Variants in TSEN34 observed in about 807,000 individuals in gnomAD.
TSEN34 encodes the protein tRNA-splicing endonuclease subunit Sen34.
A neutral mutation model predicts 30.2 loss-of-function variants in TSEN34; 25 were observed. That is an observed-to-expected ratio of 0.83 (90% CI 0.60 to 1.16). TSEN34 has a LOEUF of 1.16. Ranked by LOEUF, TSEN34 falls within the 50% of genes most tolerant of loss-of-function variation. The pLI is 0.00. For missense variants in TSEN34, 475 were observed against 411.9 expected, an observed-to-expected ratio of 1.15 and a Z score of -1.33; for synonymous variants, 209 against 177.4, an observed-to-expected ratio of 1.18 and a Z score of -1.41.
At position 54,191,370 on chromosome 19, in the gene TSEN34, G is replaced by A. The variant is rs2076684506; in HGVS notation, c.6G>A (p.Leu2=). Residue 2 remains leucine (L), a synonymous_variant, in exon 1 of 4, where the codon CTG becomes CTA. Transcript: ENST00000396388. M[L]VVEVANGRSL... is the part of the protein sequence containing the mutation. ...CTCCCGGCTCCCGCAGGAGGATGCT[G>A]GTGGTGGAGGTGGCGAACGGCCGCT... 1.9e-6 allele frequency: 3 copies of A among 1,549,868 alleles called. No individual in the cohort carries two copies. Among genetic ancestry groups the A allele is most frequent in the African/African-American group, 1.4e-5 (1 of 72,996 alleles).
intron 2 of TSEN34, 56 bp from the exon 3 acceptor site, chr19:54,192,060 G>A (rs1285697407): frequency 5.0e-6 from 8 of 1,614,028 alleles, no homozygotes; most frequent in Admixed American, 3.3e-5. Context: ...TCTCCCTGAG[G>A]GTGAGAAGAC....
upstream of TSEN34, chr19:54,190,626 T>G (rs907411077): frequency 1.2e-5 from 15 of 1,237,444 alleles, no homozygotes; most frequent in Non-Finnish European, 1.4e-5. Context: ...CCGAACCTAT[T>G]GCGTCCGGGA....
upstream of TSEN34, chr19:54,191,283 C>T: frequency 1.9e-6 from 3 of 1,539,358 alleles, no homozygotes; most frequent in Middle Eastern, 2.3e-4. Flanking sequence ...CGCCGAGACC[C>T]CGGAGGCTTT....
rs749475473 is a variant in TSEN34, at chr19:54,191,617, C to G, written c.243+10C>G. On this transcript the variant is annotated intron_variant, in intron 1 of 3. Coordinates refer to ENST00000396388, the MANE Select transcript of TSEN34 (RefSeq NM_001077446.4). Reference sequence around the variant, plus strand: ...TCGGCACCACAGCCTGGTAAGGGGGCGGGGCTCGAACTCGGGTTCGGTGGG... The same window carrying G: ...TCGGCACCACAGCCTGGTAAGGGGGGGGGGCTCGAACTCGGGTTCGGTGGG... 6.2e-6 allele frequency: 10 copies of G among 1,604,464 alleles called. No homozygotes were observed. The South Asian group carries it at 1.1e-4, about 18-fold the overall frequency.
At chr19:54,191,163 C>G (rs1228628670), upstream of TSEN34, 40 of 1,363,230 alleles carry the variant, frequency 2.9e-5, no homozygotes, top group Non-Finnish European at 3.8e-5. Flanking sequence ...TCTCCGGCGG[C>G]CGCGAGGCCT....
In TSEN34 at chr19:54,193,455, A is replaced by G. The variant is rs2076783944; in HGVS notation, c.*93A>G. ...CTCTGGGAGTCTAGAACATCCTCCT[A>G]CCTTTCTCCGCGGTTAGTTTTTGAT... On this transcript the variant is annotated 3_prime_UTR_variant, in exon 4 of 4. Coordinates refer to ENST00000396388, the MANE Select transcript of TSEN34 (RefSeq NM_001077446.4). The G allele has an allele frequency of 2.5e-6, 4 of 1,581,586 alleles. No homozygotes were observed. Among genetic ancestry groups the G allele is most frequent in the African/African-American group, 1.4e-5 (1 of 73,804 alleles).
chr19:54,190,267 A>G, upstream of TSEN34: 1 of 1,168,282 alleles, frequency 8.6e-7, no homozygotes, highest in South Asian at 1.3e-5. Flanking sequence ...ATGGGGCGGG[A>G]TGACGAAGTT....
At position 54,191,456 on chromosome 19, in the gene TSEN34, G is replaced by T. The variant is rs995267203; in HGVS notation, c.92G>T (p.Arg31Leu). Reference sequence around the variant, plus strand: ...CGGGAGCGCCTGGGTGTGGGGGGCCGCACGGTAGGCGCCCTGCCCCGCGGG... The same window carrying T: ...CGGGAGCGCCTGGGTGTGGGGGGCCTCACGGTAGGCGCCCTGCCCCGCGGG... ...ALRERLGVGG[R>L]TVGALPRGPR... Residue 31 changes from arginine (R) to leucine (L), a missense_variant, in exon 1 of 4, where the codon CGC becomes CTC. Physicochemically the swap from Arg to Leu is moderately radical, Grantham distance 102. Coordinates refer to ENST00000396388, the MANE Select transcript of TSEN34 (RefSeq NM_001077446.4). 1.3e-5 allele frequency: 20 copies of T among 1,547,410 alleles called. No individual in the cohort carries two copies. The highest frequency in any genetic ancestry group is 1.7e-5 in the Non-Finnish European group (20 of 1,147,272).
At chr19:54,190,274 A>G (rs1600694296), upstream of TSEN34, 9 of 1,239,534 alleles carry the variant, frequency 7.3e-6, no homozygotes, top group South Asian at 6.5e-5. Flanking sequence ...GGGATGACGA[A>G]GTTGACGAGG....
chr19:54,191,392 C>A lies in TSEN34; in HGVS notation c.28C>A (p.Arg10Ser). The change falls in exon 1 of 4, where the codon CGC becomes AGC. Residue 10 changes from arginine (R) to serine (S), a missense_variant. Physicochemically the swap from Arg to Ser is moderately radical, Grantham distance 110. Coordinates refer to ENST00000396388, the MANE Select transcript of TSEN34 (RefSeq NM_001077446.4). MLVVEVANG[R>S]SLVWGAEAVQ... is the part of the protein sequence containing the mutation. ...GCTGGTGGTGGAGGTGGCGAACGGC[C>A]GCTCCCTGGTGTGGGGAGCCGAGGC... 2 of 1,549,576 alleles carry A rather than the reference C, an allele frequency of 1.3e-6. No homozygotes were observed. The highest frequency in any genetic ancestry group is 1.7e-6 in the Non-Finnish European group (2 of 1,146,982).
At chr19:54,193,004 T>TGAAAA (rs2076762953) in intron 3 of TSEN34, among the ~76,000 whole-genome samples, 171 bp from the exon 4 acceptor site, 1 of 39,706 alleles carries the variant, frequency 2.5e-5, no homozygotes, top group Non-Finnish European at 4.4e-5. Flanking sequence ...AGACTTTGTC[T>TGAAAA]CAAAAAAAAA....
At chr19:54,190,511 G>C, upstream of TSEN34, 2 of 1,355,100 alleles carry the variant, frequency 1.5e-6, no homozygotes, top group Non-Finnish European at 1.9e-6. Flanking sequence ...TTTCGGCTGT[G>C]GGGTTCGGTC....
Position 54,192,109 on chromosome 19 carries a change from C to G in TSEN34, c.488-7C>G. 6.2e-7 allele frequency: 1 copy of G among 1,614,202 alleles called. No individual in the cohort carries two copies. Among genetic ancestry groups the G allele is most frequent in the Non-Finnish European group, 8.5e-7 (1 of 1,180,032 alleles). Reference sequence around the variant, plus strand: ...TTTACCAAACTCTTCTCTGTACTCCCCACCAGGCCCCTCGTCTTCCCAAGC... The same window carrying G: ...TTTACCAAACTCTTCTCTGTACTCCGCACCAGGCCCCTCGTCTTCCCAAGC... On this transcript the variant is annotated splice_region_variant and splice_polypyrimidine_tract_variant and intron_variant, in intron 2 of 3. Coordinates refer to ENST00000396388, the MANE Select transcript of TSEN34 (RefSeq NM_001077446.4).
At chr19:54,192,501 T>G in intron 3 of TSEN34, 128 bp downstream of exon 3, 1 of 1,278,206 alleles carries the variant, frequency 7.8e-7, no homozygotes, top group Non-Finnish European at 1.1e-6. Flanking sequence ...CTGGTCCCTA[T>G]TCCTGGGCTC....
rs530821643 is a variant in TSEN34, at chr19:54,191,580, G to T, written c.216G>T (p.Pro72=). Residue 72 remains proline (P), a synonymous_variant, in exon 1 of 4, where the codon CCG becomes CCT. Coordinates refer to ENST00000396388, the MANE Select transcript of TSEN34 (RefSeq NM_001077446.4). ...GCGCCGTGACTCTGGTCAGCGCCCC[G>T]CGTCCAGACTCTCGGCACCACAGCC... ...EIGAVTLVSA[P]RPDSRHHSLA... 37 of 1,602,726 alleles carry T rather than the reference G, an allele frequency of 2.3e-5. No individual in the cohort carries two copies. The East Asian group carries it at 7.8e-4, about 34-fold the overall frequency.
At chr19:54,190,785 C>T (rs894798882), upstream of TSEN34, 10 of 1,116,430 alleles carry the variant, frequency 9.0e-6, no homozygotes, top group South Asian at 3.7e-5. Flanking sequence ...GGGTTTTGTA[C>T]TGTGGGAGTC....
At chr19:54,190,144 G>A (rs2076608604), upstream of TSEN34, 3 of 562,800 alleles carry the variant, frequency 5.3e-6, no homozygotes, top group Non-Finnish European at 9.4e-6. Context: ...AAGTAGAGGA[G>A]AGGAAGCGGC....
Position 54,191,568 on chromosome 19 carries a change from G to T in TSEN34, c.204G>T (p.Leu68=). 1 of 1,602,246 alleles carries T rather than the reference G, an allele frequency of 6.2e-7. No homozygotes were observed. The highest frequency in any genetic ancestry group is 1.1e-5 in the South Asian group (1 of 91,034). Residue 68 remains leucine, a synonymous_variant, in exon 1 of 4, where the codon CTG becomes CTT. Coordinates refer to ENST00000396388, the MANE Select transcript of TSEN34 (RefSeq NM_001077446.4). ...RLLAEIGAVT[L]VSAPRPDSRH... ...TGGCCGAGATCGGCGCCGTGACTCT[G>T]GTCAGCGCCCCGCGTCCAGACTCTC... is the stretch of plus-strand genomic sequence containing the variant.
rs886406263 is a variant in TSEN34 at position 54,191,859 on chromosome 19, G to C, written c.382G>C (p.Glu128Gln). The C allele has an allele frequency of 2.5e-6, 4 of 1,614,044 alleles. No individual in the cohort carries two copies. The highest frequency in any genetic ancestry group is 3.3e-5 in the Admixed American group (2 of 60,002). The change falls in exon 2 of 4, where the codon GAA becomes CAA. Residue 128 changes from glutamate to glutamine, a missense_variant. By Grantham distance (29) the Glu-to-Gln change is conservative. Transcript: ENST00000396388. ...CCAGGCTGCTAAGAAGCAGAAACTA[G>C]AACAGGCTTCAGGGGCCAGCTCAAG... Reference protein sequence around the residue: ...EGQAAKKQKLEQASGASSSQE... With the variant: ...EGQAAKKQKLQQASGASSSQE...
Sources: gnomAD v4.1 joint callset for allele counts (sites outside exome capture counted in the v4.1 genomes callset) on GRCh38, gnomAD v4.1.1 for gene constraint, MANE v1.5 for transcripts, NCBI Gene and HGNC (gene_info 2026-07-23, HGNC 2026-07-21) for gene names.